The following DENND4C variants were observed in gnomAD, a reference collection of about 807,000 sequenced individuals.
DENND4C encodes DENN domain containing 4C, also known as DENN domain-containing protein 4C.
DENND4C carries 108 observed loss-of-function variants against 203.0 expected under a neutral mutation model. That is an observed-to-expected ratio of 0.53 (90% CI 0.46 to 0.62). The LOEUF (loss-of-function observed/expected upper bound fraction) is 0.62, where lower values mean the gene tolerates loss of function less well. Ranked by LOEUF, DENND4C falls within the 20% of genes least tolerant of loss-of-function variation. The pLI, the probability that DENND4C is intolerant of heterozygous loss-of-function variation, is 0.00. For synonymous variants in DENND4C, 871 were observed against 792.4 expected (o/e 1.10, Z -1.67); for missense variants, 2,481 against 2,301.2 (o/e 1.08, Z -1.60).
Position 19,341,316 on chromosome 9 carries a change from T to C in DENND4C, c.3004+202T>C, listed in dbSNP as rs868088592. ...TAAGAGAACTTTCTTTCTTTCTTTT[T>C]TTTTTTTTTTTTTTGAGGCAGGGTC... is the stretch of plus-strand genomic sequence containing the variant. On this transcript the variant is annotated intron_variant, in intron 21 of 32. Coordinates refer to ENST00000434457, the MANE Select transcript of DENND4C (RefSeq NM_001330640.2). Among the ~76,000 whole-genome samples the C allele has an allele frequency of 6.4e-3, 952 of 148,852 alleles. 10 individuals carry two copies. The highest frequency in any genetic ancestry group is 0.022 in the African/African-American group (902 of 40,566).
At chr9:19,306,866 C>T (rs567418998) in intron 10 of DENND4C, among the ~76,000 whole-genome samples, 4 of 151,912 alleles carry the variant, frequency 2.6e-5, no homozygotes, top group Admixed American at 1.3e-4. Context: ...CTGCAGTCTC[C>T]GCCTCCTGGG....
At chr9:19,302,260 AAATATCAAAG>A (rs1838742934) in intron 9 of DENND4C, among the ~76,000 whole-genome samples, 2 of 152,244 alleles carry the variant, frequency 1.3e-5, no homozygotes, top group Non-Finnish European at 2.9e-5. Flanking sequence ...AGAATGATTT[AAATATCAAAG>A]AATATCAAAG....
intron 21 of DENND4C, among the ~76,000 whole-genome samples, chr9:19,341,420 C>T (rs140077903): frequency 6.6e-6 from 1 of 151,592 alleles, no homozygotes; most frequent in Non-Finnish European, 1.5e-5. Context: ...ATATGATCCT[C>T]CTGCCTCAGT....
intron 12 of DENND4C, among the ~76,000 whole-genome samples, chr9:19,317,148 C>G (rs1841990260): frequency 1.3e-5 from 2 of 149,638 alleles, no homozygotes; most frequent in Admixed American, 1.3e-4. Context: ...TCAGGTATTT[C>G]CTCAATTTTG....
intron 26 of DENND4C, among the ~76,000 whole-genome samples, chr9:19,354,012 C>G (rs1206619179): frequency 6.6e-6 from 1 of 152,146 alleles, no homozygotes; most frequent in Non-Finnish European, 1.5e-5. Flanking sequence ...TGCAAGGGCC[C>G]TCTCGTGTTT....
At chr9:19,344,533 C>T (rs934678874) in intron 22 of DENND4C, among the ~76,000 whole-genome samples, 1 of 152,134 alleles carries the variant, frequency 6.6e-6, no homozygotes, top group East Asian at 1.9e-4. Flanking sequence ...CTCACTCTGT[C>T]GCCTAGGCTG....
intron 1 of DENND4C, among the ~76,000 whole-genome samples, chr9:19,250,368 C>T (rs1174039430): frequency 6.6e-6 from 1 of 152,116 alleles, no homozygotes; most frequent in Non-Finnish European, 1.5e-5. Context: ...TGCTTGAACC[C>T]AGGAGGTGGA....
intron 1 of DENND4C, among the ~76,000 whole-genome samples, chr9:19,250,027 T>A (rs1826174728): frequency 2.0e-5 from 3 of 152,162 alleles, no homozygotes; most frequent in Admixed American, 2.0e-4. Flanking sequence ...GGCTGGGCGC[T>A]GTAGCTAATA....
Position 19,300,180 on chromosome 9 carries a change from T to TC in DENND4C, c.1167-4dup, listed in dbSNP as rs1554628541. 1.8e-5 allele frequency: 28 copies of TC among 1,584,904 alleles called. No individual in the cohort carries two copies. Among genetic ancestry groups the TC allele is most frequent in the Non-Finnish European group, 2.2e-5 (25 of 1,160,018 alleles). On this transcript the variant is annotated splice_region_variant and splice_polypyrimidine_tract_variant and intron_variant, in intron 8 of 32. Transcript: ENST00000434457. Reference sequence around the variant, plus strand: ...CAATGATCTACTTTTCTCTTTTTTTTCCCTAGTGGAGCCAACTTTAGCACC... The same window carrying TC: ...CAATGATCTACTTTTCTCTTTTTTTTCCCCTAGTGGAGCCAACTTTAGCACC...
At chr9:19,287,640 C>T (rs924884011) in intron 3 of DENND4C, among the ~76,000 whole-genome samples, 5 of 152,080 alleles carry the variant, frequency 3.3e-5, no homozygotes, top group East Asian at 1.9e-4. Context: ...AGCCACCATG[C>T]CCGGCCTGTT....
intron 17 of DENND4C, among the ~76,000 whole-genome samples, chr9:19,334,056 T>A (rs1819872796): frequency 1.3e-5 from 2 of 152,160 alleles, no homozygotes; most frequent in Non-Finnish European, 2.9e-5. Flanking sequence ...TTATTTATTT[T>A]TTATTTAGAG....
chr9:19,230,748 G>A lies in DENND4C; in HGVS notation c.-103G>A, dbSNP rs921280874. ...AGCTAGTCCCCCGCCCTGCCCTGCC[G>A]AGCGCGCCCAGTCCGCGAATCCGGT... is the stretch of plus-strand genomic sequence containing the variant. On this transcript the variant is annotated 5_prime_UTR_variant, in exon 1 of 33. Coordinates refer to ENST00000434457, the MANE Select transcript of DENND4C (RefSeq NM_001330640.2). 3.3e-5 allele frequency: 5 copies of A among 152,288 alleles called. No homozygotes were observed. The highest frequency in any genetic ancestry group is 1.9e-4 in the East Asian group (1 of 5,184). 9.4% of individuals were successfully genotyped at this position (152,288 alleles called of 1,614,324 possible). A position where few individuals can be genotyped will look rare whatever the true frequency, so the allele number is the denominator to read the frequency against.
chr9:19,352,580 A>G lies in DENND4C; in HGVS notation c.4696A>G (p.Asn1566Asp). ...GGCTGGATGGACAGCAGATGACTCAAATTTGAATACAGCTTGTCCATTCTG... is the reference window on the plus strand; with the variant it reads ...GGCTGGATGGACAGCAGATGACTCAGATTTGAATACAGCTTGTCCATTCTG... ...IMAGWTADDS[N>D]LNTACPFCKS... The change falls in exon 26 of 33, where the codon AAT becomes GAT. Residue 1566 changes from asparagine (N) to aspartate (D), a missense_variant. By Grantham distance (23) the Asn-to-Asp change is conservative (BLOSUM62 1). This residue lies in a region of DENND4C where 2,289 missense variants were observed against 2,113.3 expected (regional missense o/e 1.08). Coordinates refer to ENST00000434457, the MANE Select transcript of DENND4C (RefSeq NM_001330640.2). 1 of 1,613,982 alleles carries G rather than the reference A, an allele frequency of 6.2e-7. No individual in the cohort carries two copies.
intron 1 of DENND4C, among the ~76,000 whole-genome samples, chr9:19,262,048 T>C (rs1053741227): frequency 6.6e-6 from 1 of 151,088 alleles, no homozygotes. Context: ...TGATTTTATA[T>C]CCTGAAACTT....
intron 2 of DENND4C, among the ~76,000 whole-genome samples, chr9:19,282,580 G>A (rs1446608896): frequency 7.1e-5 from 6 of 85,080 alleles, no homozygotes; most frequent in East Asian, 3.9e-4. Flanking sequence ...AAAAAATAAT[G>A]GGGTCTTGCC....
chr9:19,246,088 A>G (rs1825184031), intron 1 of DENND4C, among the ~76,000 whole-genome samples: 1 of 150,966 alleles, frequency 6.6e-6, no homozygotes, highest in South Asian at 2.1e-4. Flanking sequence ...AACTTATCCA[A>G]TTATATTGAT....
At chr9:19,248,821 C>G (rs958445232) in intron 1 of DENND4C, among the ~76,000 whole-genome samples, 1 of 149,856 alleles carries the variant, frequency 6.7e-6, no homozygotes, top group African/African-American at 2.5e-5. Context: ...TTTTTGAGAC[C>G]AAGTCTTGCT....
chr9:19,257,185 A>G (rs1005738058), intron 1 of DENND4C, among the ~76,000 whole-genome samples: 1 of 151,210 alleles, frequency 6.6e-6, no homozygotes, highest in Non-Finnish European at 1.5e-5. Context: ...CTATAAAAAA[A>G]TATTCTGAAC....
In DENND4C at chr9:19,241,413, A is replaced by G. The variant is rs974033664; in HGVS notation, c.-18+10580A>G. ...TTTTTTTTAGAGATAGAGTCTCGCT[A>G]TGTTGCTTAGGCTGGCCTCCAACTC... On this transcript the variant is annotated intron_variant, in intron 1 of 32. Transcript: ENST00000434457. 1.1e-4 allele frequency among the ~76,000 whole-genome samples: 17 copies of G among 151,506 alleles called. 1 individual carries two copies. Among genetic ancestry groups the G allele is most frequent in the African/African-American group, 3.2e-4 (13 of 41,188 alleles).
Sources: allele counts gnomAD v4.1 joint callset (sites outside exome capture counted in the v4.1 genomes callset), GRCh38; gene constraint gnomAD v4.1.1; regional missense constraint gnomAD v4.1.1; transcripts MANE v1.5; gene names NCBI Gene and HGNC (gene_info 2026-07-23, HGNC 2026-07-21).